The following XKR6 variants were observed in gnomAD, a reference collection of about 807,000 sequenced individuals.
The protein encoded by XKR6 is XK-related protein 6.
XKR6 carries 22 observed loss-of-function variants against 56.7 expected under a neutral mutation model. The observed-to-expected ratio is 0.39, with a 90% CI of 0.28 to 0.55. The LOEUF (loss-of-function observed/expected upper bound fraction) is 0.55, where lower values mean the gene tolerates loss of function less well. Ranked by LOEUF, XKR6 falls within the 20% of genes least tolerant of loss-of-function variation. The pLI, the probability that XKR6 is intolerant of heterozygous loss-of-function variation, is 0.66. For synonymous variants in XKR6, 524 were observed against 387.8 expected (o/e 1.35, Z -4.13); for missense variants, 852 against 889.0 (o/e 0.96, Z 0.53).
At chr8:11,132,987 T>A (rs1030424542) in intron 1 of XKR6, among the ~76,000 whole-genome samples, 2 of 152,136 alleles carry the variant, frequency 1.3e-5, no homozygotes, top group African/African-American at 4.8e-5. Context: ...TACACATTTT[T>A]GAGATCAAAA....
chr8:10,980,274 T>G (rs1392943920), intron 1 of XKR6, among the ~76,000 whole-genome samples: 1 of 152,162 alleles, frequency 6.6e-6, no homozygotes, highest in African/African-American at 2.4e-5. Context: ...CTTGCGGGGC[T>G]GCAGGGGAAG....
chr8:10,898,402 G>A lies in XKR6; in HGVS notation c.1476C>T (p.Leu492=), dbSNP rs368038674. ...TGGGATGCAGCACGCCATAGTATAA[G>A]AGCATCATTGCGATCCCAGCCACAA... ...ISFVAGIAMM[L]LYYGVLHPTG... Residue 492 remains leucine, a synonymous_variant, in exon 3 of 3, where the codon CTC becomes CTT. Transcript: ENST00000416569. This position sits in a 1 kb window ranked among gnomAD's most constrained non-coding sequence, Gnocchi z 6.6. The A allele has an allele frequency of 1.1e-5, 18 of 1,614,056 alleles. No individual in the cohort carries two copies. Among genetic ancestry groups the A allele is most frequent in the South Asian group, 1.1e-4 (10 of 91,068 alleles).
intron 1 of XKR6, among the ~76,000 whole-genome samples, chr8:10,938,433 G>A (rs932273074): frequency 1.3e-5 from 2 of 152,168 alleles, no homozygotes; most frequent in African/African-American, 4.8e-5. Flanking sequence ...CCCCCCAGCA[G>A]TTCTTTTCAT....
intron 1 of XKR6, among the ~76,000 whole-genome samples, chr8:11,174,566 T>C (rs909293027): frequency 5.9e-5 from 9 of 152,148 alleles, no homozygotes; most frequent in African/African-American, 2.2e-4. Context: ...GAATACAAAA[T>C]ATTGTAATTA....
chr8:11,001,120 A>C (rs1563338204), intron 1 of XKR6, among the ~76,000 whole-genome samples: 1 of 152,204 alleles, frequency 6.6e-6, no homozygotes, highest in African/African-American at 2.4e-5. Flanking sequence ...GAGAAACCAA[A>C]TCCTAAAATT....
At chr8:11,126,309 G>C (rs899677506) in intron 1 of XKR6, among the ~76,000 whole-genome samples, 1 of 151,896 alleles carries the variant, frequency 6.6e-6, no homozygotes, top group African/African-American at 2.4e-5. Context: ...CTTGTGATCC[G>C]CCCACCTCGG....
chr8:11,150,143 G>A (rs972664662), intron 1 of XKR6, among the ~76,000 whole-genome samples: 15 of 152,254 alleles, frequency 9.9e-5, no homozygotes, highest in African/African-American at 3.1e-4. Context: ...ACGGTTAGAA[G>A]GTGTAAGTTC....
Position 10,898,504 on chromosome 8 carries a change from G to A in XKR6, c.1374C>T (p.Phe458=). Residue 458 remains phenylalanine (F), a synonymous_variant, in exon 3 of 3, where the codon TTC becomes TTT. Coordinates refer to ENST00000416569, the MANE Select transcript of XKR6 (RefSeq NM_173683.4). The surrounding 1 kb of genome is among the most constrained non-coding windows in gnomAD (Gnocchi z 6.6). ...IVLTENAALT[F]LWYFYRDPET... ...CCGGGTCTCTGTAAAAATACCAAAG[G>A]AACGTCAAGGCAGCATTCTCGGTCA... 6.2e-7 allele frequency: 1 copy of A among 1,613,938 alleles called. No individual in the cohort carries two copies. The highest frequency in any genetic ancestry group is 1.6e-4 in the Middle Eastern group (1 of 6,062).
rs750283783 is a variant in XKR6, at chr8:11,201,094, C to G, written c.246G>C (p.Pro82=). The change falls in exon 1 of 3, where the codon CCG becomes CCC. Residue 82 remains proline (P), a synonymous_variant. Coordinates refer to ENST00000416569, the MANE Select transcript of XKR6 (RefSeq NM_173683.4). ...ACLRSLLGRK[P]RRSAAADGGD... is the part of the protein sequence containing the mutation. ...CCCCGTCGGCGGCGGCGCTGCGGCG[C>G]GGCTTCCTGCCCAGGAGGGAGCGCA... 102 of 1,403,870 alleles carry G rather than the reference C, an allele frequency of 7.3e-5. No homozygotes were observed. The Middle Eastern group carries it at 1.0e-3, about 14-fold the overall frequency. 87.0% of individuals were successfully genotyped at this position (1,403,870 alleles called of 1,614,324 possible). A position where few individuals can be genotyped will look rare whatever the true frequency, so the allele number is the denominator to read the frequency against.
intron 1 of XKR6, among the ~76,000 whole-genome samples, chr8:11,180,350 G>A (rs202068413): frequency 1.7e-4 from 26 of 152,090 alleles, no homozygotes; most frequent in African/African-American, 6.0e-4. Flanking sequence ...CATGGCACAA[G>A]GAATGTTTGG....
At chr8:11,000,437 G>C (rs1296625874) in intron 1 of XKR6, among the ~76,000 whole-genome samples, 1 of 152,186 alleles carries the variant, frequency 6.6e-6, no homozygotes, top group African/African-American at 2.4e-5. Flanking sequence ...TGAAATCCAA[G>C]CTCTTTGGGA....
At chr8:11,179,626 C>T (rs1464897954) in intron 1 of XKR6, among the ~76,000 whole-genome samples, 1 of 152,174 alleles carries the variant, frequency 6.6e-6, no homozygotes, top group African/African-American at 2.4e-5. Context: ...TCAGGGGACT[C>T]CTCCACCTTC....
chr8:11,007,651 G>A (rs1798400892), intron 1 of XKR6, among the ~76,000 whole-genome samples: 1 of 152,116 alleles, frequency 6.6e-6, no homozygotes, highest in African/African-American at 2.4e-5. Flanking sequence ...CACACTCGGT[G>A]GAAGAGGCAG....
At chr8:10,974,677 C>A (rs185647756) in intron 1 of XKR6, among the ~76,000 whole-genome samples, 32 of 152,364 alleles carry the variant, frequency 2.1e-4, no homozygotes, top group African/African-American at 6.7e-4. Flanking sequence ...TTCATTCTCA[C>A]CCTCTCCCTC....
chr8:11,120,847 C>A (rs1049500967), intron 1 of XKR6, among the ~76,000 whole-genome samples: 4 of 152,088 alleles, frequency 2.6e-5, no homozygotes, highest in African/African-American at 7.2e-5. Context: ...AGATATAGAC[C>A]AATGGAACAG....
At chr8:11,190,192 AAAGAAAGAAAGAAAAG>A (rs926842387) in intron 1 of XKR6, among the ~76,000 whole-genome samples, 8 of 108,912 alleles carry the variant, frequency 7.3e-5, no homozygotes, top group African/African-American at 4.2e-4. Context: ...GAAAAGAAAG[AAAGAAAGAAAGAAAAG>A]AAAGAAAGAA....
intron 1 of XKR6, among the ~76,000 whole-genome samples, chr8:11,042,647 A>G (rs1167928422): frequency 6.6e-6 from 1 of 152,276 alleles, no homozygotes; most frequent in Non-Finnish European, 1.5e-5. Context: ...GATTAGTACA[A>G]CATCCCAAAT....
intron 1 of XKR6, among the ~76,000 whole-genome samples, chr8:11,095,615 C>T (rs954750190): frequency 1.8e-4 from 28 of 152,210 alleles, no homozygotes; most frequent in South Asian, 8.3e-4. Flanking sequence ...AAAACGCACC[C>T]GCCATGCCAA....
chr8:10,913,030 G>A (rs987581494), intron 2 of XKR6, among the ~76,000 whole-genome samples: 10 of 138,274 alleles, frequency 7.2e-5, no homozygotes, highest in African/African-American at 2.9e-4. Flanking sequence ...GAGAGAAAGG[G>A]TGTGTGTGCT....
Sources: gnomAD v4.1 joint callset for allele counts (sites outside exome capture counted in the v4.1 genomes callset) on GRCh38, gnomAD v4.1.1 for gene constraint, Gnocchi (gnomAD v3.1) non-coding constraint, MANE v1.5 for transcripts, NCBI Gene and HGNC (gene_info 2026-07-23, HGNC 2026-07-21) for gene names.